The following PTPRS variants were observed in gnomAD, a reference collection of about 807,000 sequenced individuals.
The protein encoded by PTPRS is protein tyrosine phosphatase receptor type S.
Under a neutral mutation model 215.3 loss-of-function variants are expected in PTPRS, and 63 were observed. The ratio of observed to expected loss-of-function variants is 0.29; its 90% CI spans 0.24 to 0.36. The LOEUF (loss-of-function observed/expected upper bound fraction) is 0.36. Ranked by LOEUF, PTPRS falls within the 10% of genes least tolerant of loss-of-function variation. The probability of loss-of-function intolerance (pLI) is 1.00; values close to 1 mark genes in which losing one functional copy is unlikely to be tolerated. For missense variants in PTPRS, 2,258 were observed against 2,825.8 expected, an observed-to-expected ratio of 0.80 and a Z score of 4.56; for synonymous variants, 1,404 against 1,191.4, an observed-to-expected ratio of 1.18 and a Z score of -3.68.
At chr19:5,260,175 T>C (rs2045874521) in intron 7 of PTPRS, among the ~76,000 whole-genome samples, 2 of 149,438 alleles carry the variant, frequency 1.3e-5, no homozygotes, top group African/African-American at 4.9e-5. Flanking sequence ...ATGTTCGTTT[T>C]GTTTCTTTTT....
chr19:5,232,769 A>AGGCATTGTGGTAG (rs2043125721), intron 13 of PTPRS, among the ~76,000 whole-genome samples: 1 of 150,784 alleles, frequency 6.6e-6, no homozygotes, highest in South Asian at 2.1e-4. Context: ...AATTGTGGTA[A>AGGCATTGTGGTAG]GGCATTGTGC....
intron 1 of PTPRS, among the ~76,000 whole-genome samples, chr19:5,329,719 C>T (rs1476506156): frequency 6.6e-6 from 1 of 150,872 alleles, no homozygotes; most frequent in Non-Finnish European, 1.5e-5. Context: ...GAGCTGAGAT[C>T]ATGCCACTGC....
intron 4 of PTPRS, 50 bp from the exon 5 acceptor site, chr19:5,265,246 G>A: frequency 6.5e-7 from 1 of 1,540,630 alleles, no homozygotes; most frequent in Non-Finnish European, 8.8e-7. Flanking sequence ...GCACTGCACA[G>A]CCACTCCTGA....
At position 5,219,998 on chromosome 19, in the gene PTPRS, G is replaced by T; in HGVS notation, c.3706C>A (p.Leu1236Met). The part of the protein sequence containing the change: ...KQYGGFDNRG[L>M]EPGHRYVLFV... ...AGGACATAGCGGTGGCCGGGCTCCAGGCCCCGGTTATCGAAGCCGCCATAC... is the reference window on the plus strand; with the variant it reads ...AGGACATAGCGGTGGCCGGGCTCCATGCCCCGGTTATCGAAGCCGCCATAC... Residue 1236 changes from leucine (L) to methionine (M), a missense_variant, in exon 22 of 38, where the codon CTG (leucine) becomes ATG (methionine). Around this residue, in one of 6 missense-constraint regions of PTPRS, gnomAD observed 927 missense variants for 1,125.9 expected, o/e 0.82. Transcript: ENST00000262963. 1 of 1,613,774 alleles carries T rather than the reference G, an allele frequency of 6.2e-7. No individual in the cohort carries two copies. The highest frequency in any genetic ancestry group is 1.1e-5 in the South Asian group (1 of 91,088).
At chr19:5,266,437 C>T (rs1050145512) in intron 4 of PTPRS, among the ~76,000 whole-genome samples, 5 of 151,950 alleles carry the variant, frequency 3.3e-5, no homozygotes, top group African/African-American at 1.2e-4. Flanking sequence ...GCCCAGAGGA[C>T]ACCGTTTTTA....
At chr19:5,316,623 C>T (rs2049883965) in intron 1 of PTPRS, among the ~76,000 whole-genome samples, 1 of 152,134 alleles carries the variant, frequency 6.6e-6, no homozygotes, top group Non-Finnish European at 1.5e-5. Flanking sequence ...CAACTCCTGA[C>T]CTCAACTGAT....
At chr19:5,264,973 A>C (rs752613685) in intron 5 of PTPRS, 35 bp downstream of exon 5, 7 of 1,610,150 alleles carry the variant, frequency 4.3e-6, no homozygotes, top group Non-Finnish European at 5.9e-6. Context: ...GCTGCCCTCC[A>C]AGGCTCCCAC....
At chr19:5,253,889 C>T (rs1042694015) in intron 9 of PTPRS, among the ~76,000 whole-genome samples, 2 of 152,164 alleles carry the variant, frequency 1.3e-5, no homozygotes, top group Non-Finnish European at 2.9e-5. Flanking sequence ...TCAATGAAAT[C>T]CTTTCACCTA....
At chr19:5,218,051 A>C (rs1042308380) in intron 25 of PTPRS, among the ~76,000 whole-genome samples, 2 of 152,304 alleles carry the variant, frequency 1.3e-5, no homozygotes, top group African/African-American at 4.8e-5. Context: ...CTCAACTCCC[A>C]CCACCGAGGA....
At position 5,223,296 on chromosome 19, in the gene PTPRS, C is replaced by T. The variant is rs201067925; in HGVS notation, c.2496G>A (p.Val832=). 4.1e-6 allele frequency: 6 copies of T among 1,456,600 alleles called. No homozygotes were observed. The African/African-American group carries it at 7.3e-5, about 18-fold the overall frequency. 90.2% of individuals were successfully genotyped at this position (1,456,600 alleles called of 1,614,324 possible). A position where few individuals can be genotyped will look rare whatever the true frequency, so the allele number is the denominator to read the frequency against. ...GCACCGACAGGGTTGGGCGGCCCAG[C>T]ACTGCGGGGATACGGGGCAGGTGTC... ...KPKVVVTKGA[V]LGRPTLSVQQ... The change falls in exon 18 of 38, where the codon GTG becomes GTA. Residue 832 remains valine (V), a splice_region_variant and synonymous_variant. Transcript: ENST00000262963.
chr19:5,205,681 T>A lies in PTPRS; in HGVS notation c.*1093A>T, dbSNP rs578129835. ...AGGCGGGTAGAGGGGGGCCTGTCCTTCTGGTTTTGCTCCCAAACTGCCCCA... is the reference window on the plus strand; with the variant it reads ...AGGCGGGTAGAGGGGGGCCTGTCCTACTGGTTTTGCTCCCAAACTGCCCCA... On this transcript the variant is annotated 3_prime_UTR_variant, in exon 38 of 38. Transcript: ENST00000262963. 2.0e-5 allele frequency among the ~76,000 whole-genome samples: 3 copies of A among 152,270 alleles called. No homozygotes were observed. The East Asian group carries it at 5.8e-4, about 29-fold the overall frequency.
In PTPRS at chr19:5,209,479, T is replaced by C. The variant is rs1475899796; in HGVS notation, c.5487+990A>G. ...TCCTCTGCCACCATTTGCCATCCAA[T>C]GTACCATCTTTCCCTGATGTTTTAC... is the stretch of plus-strand genomic sequence containing the variant. On this transcript the variant is annotated intron_variant, in intron 35 of 37. Transcript: ENST00000262963. 2.0e-5 allele frequency among the ~76,000 whole-genome samples: 3 copies of C among 152,320 alleles called. No homozygotes were observed. The East Asian group carries it at 5.8e-4, about 29-fold the overall frequency.
chr19:5,307,515 TG>T (rs373181732), intron 1 of PTPRS, among the ~76,000 whole-genome samples: 11 of 151,780 alleles, frequency 7.2e-5, no homozygotes, highest in Non-Finnish European at 1.2e-4. Flanking sequence ...TATTTTTAAG[TG>T]GGGGGGAAGA....
At chr19:5,211,479 C>T (rs2040879187) in intron 33 of PTPRS, 111 bp downstream of exon 33, 2 of 1,147,986 alleles carry the variant, frequency 1.7e-6, no homozygotes, top group South Asian at 1.6e-5. Flanking sequence ...ATTTAAACAG[C>T]TCAGGGCTAC....
intron 1 of PTPRS, among the ~76,000 whole-genome samples, chr19:5,301,697 A>G (rs58988084): frequency 0.089 from 13,523 of 151,256 alleles, 893 homozygotes; most frequent in African/African-American, 0.18. Context: ...CTCCCCCTCT[A>G]CACCCACCAG....
chr19:5,221,454 C>T (rs895307018), intron 19 of PTPRS, among the ~76,000 whole-genome samples: 2 of 151,468 alleles, frequency 1.3e-5, no homozygotes, highest in Non-Finnish European at 2.9e-5. Context: ...GAACCCTGAC[C>T]CCAGACTGTG....
At chr19:5,301,936 A>G (rs1271836624) in intron 1 of PTPRS, among the ~76,000 whole-genome samples, 1 of 151,808 alleles carries the variant, frequency 6.6e-6, no homozygotes, top group East Asian at 1.9e-4. Context: ...ACATGCCACC[A>G]CACCCAGCTA....
Position 5,205,982 on chromosome 19 carries a change from GA to G in PTPRS, c.*791del, listed in dbSNP as rs71743139. 8.3e-5 allele frequency among the ~76,000 whole-genome samples: 11 copies of G among 132,068 alleles called. No individual in the cohort carries two copies. Among genetic ancestry groups the G allele is most frequent in the Middle Eastern group, 4.0e-3 (1 of 248 alleles). 86.6% of individuals were successfully genotyped at this position (132,068 alleles called of 152,430 possible). ...TTTATAAAAATGAAACAAAAAGGGG[GA>G]AAAAAAAAGCCAAGAAAGAAAAAAG... is the stretch of plus-strand genomic sequence containing the variant. On this transcript the variant is annotated 3_prime_UTR_variant, in exon 38 of 38. Coordinates refer to ENST00000262963, the MANE Select transcript of PTPRS (RefSeq NM_002850.4).
At position 5,238,951 on chromosome 19, in the gene PTPRS, G is replaced by C; in HGVS notation, c.1817C>G (p.Thr606Ser). The C allele has an allele frequency of 1.2e-6, 2 of 1,611,268 alleles. No individual in the cohort carries two copies. The highest frequency in any genetic ancestry group is 1.7e-6 in the Non-Finnish European group (2 of 1,178,868). ...CAGCGTGCGCTGCCGCACCACGGGG[G>C]TGAAGGCGCCCAGGCCCTGCGGCGA... Reference protein sequence around the residue: ...ARSPQGLGAFTPVVRQRTLQS... With the variant: ...ARSPQGLGAFSPVVRQRTLQS... Residue 606 changes from threonine (T) to serine (S), a missense_variant, in exon 13 of 38, where the codon ACC (threonine) becomes AGC (serine). Thr to Ser is a moderately conservative substitution (Grantham distance 58). Transcript: ENST00000262963.
Sources: allele counts gnomAD v4.1 joint callset (sites outside exome capture counted in the v4.1 genomes callset), GRCh38; gene constraint gnomAD v4.1.1; regional missense constraint gnomAD v4.1.1; transcripts MANE v1.5; gene names NCBI Gene and HGNC (gene_info 2026-07-23, HGNC 2026-07-21).